The following CNTN3 variants were observed in gnomAD, a reference collection of about 807,000 sequenced individuals.
The protein encoded by CNTN3 is contactin 3.
A neutral mutation model predicts 119.1 loss-of-function variants in CNTN3; 60 were observed. The ratio of observed to expected loss-of-function variants is 0.50; its 90% CI spans 0.41 to 0.62. The LOEUF (loss-of-function observed/expected upper bound fraction) is 0.62, where lower values mean the gene tolerates loss of function less well. Ranked by LOEUF, CNTN3 falls within the 20% of genes least tolerant of loss-of-function variation. The pLI, the probability that CNTN3 is intolerant of heterozygous loss-of-function variation, is 0.00. For synonymous variants in CNTN3, 450 were observed against 438.7 expected (o/e 1.03, Z -0.32); for missense variants, 1,101 against 1,242.4 (o/e 0.89, Z 1.71).
At chr3:74,588,082 A>G (rs1480420210) in intron 1 of CNTN3, among the ~76,000 whole-genome samples, 1 of 152,076 alleles carries the variant, frequency 6.6e-6, no homozygotes, top group Non-Finnish European at 1.5e-5. Context: ...TTCTGTTTAT[A>G]TGCTGGATTA....
At chr3:74,291,603 T>C (rs1412341560) in intron 19 of CNTN3, among the ~76,000 whole-genome samples, 1 of 152,144 alleles carries the variant, frequency 6.6e-6, no homozygotes, top group African/African-American at 2.4e-5. Flanking sequence ...ATGGTCTCGA[T>C]CTCCTGACCT....
At chr3:74,385,253 C>G (rs956886601) in intron 5 of CNTN3, among the ~76,000 whole-genome samples, 2 of 152,146 alleles carry the variant, frequency 1.3e-5, no homozygotes, top group South Asian at 4.1e-4. Flanking sequence ...TGGCCATCAT[C>G]CCCTAGGGTG....
chr3:74,353,681 G>A (rs1202206104), intron 11 of CNTN3, among the ~76,000 whole-genome samples: 4 of 152,058 alleles, frequency 2.6e-5, no homozygotes, highest in Non-Finnish European at 4.4e-5. Flanking sequence ...GCGTGAACCC[G>A]GGAGGCGGAG....
At chr3:74,279,450 T>C (rs920739121) in intron 20 of CNTN3, among the ~76,000 whole-genome samples, 2 of 152,032 alleles carry the variant, frequency 1.3e-5, no homozygotes, top group African/African-American at 4.8e-5. Flanking sequence ...TGATGGAATA[T>C]TACCCAGCTA....
At chr3:74,516,150 T>C (rs1251675928) in intron 2 of CNTN3, among the ~76,000 whole-genome samples, 2 of 152,018 alleles carry the variant, frequency 1.3e-5, no homozygotes, top group African/African-American at 2.4e-5. Context: ...GCTATGTGAC[T>C]TTGAACAAGT....
intron 11 of CNTN3, among the ~76,000 whole-genome samples, chr3:74,356,536 C>T (rs1703938668): frequency 6.6e-6 from 1 of 152,026 alleles, no homozygotes; most frequent in African/African-American, 2.4e-5. Context: ...TGTCCTGTTA[C>T]CTGTCTGTAT....
At chr3:74,322,565 A>G (rs1703021970) in intron 13 of CNTN3, among the ~76,000 whole-genome samples, 1 of 152,198 alleles carries the variant, frequency 6.6e-6, no homozygotes, top group Non-Finnish European at 1.5e-5. Flanking sequence ...TGTTATAGCC[A>G]TTCTGCAAGA....
At chr3:74,418,228 A>G (rs1701556708) in intron 5 of CNTN3, among the ~76,000 whole-genome samples, 1 of 151,574 alleles carries the variant, frequency 6.6e-6, no homozygotes, top group South Asian at 2.1e-4. Context: ...AAGTATTGCT[A>G]TGTTGCCTAG....
At chr3:74,596,761 A>T (rs1273713310) in intron 1 of CNTN3, among the ~76,000 whole-genome samples, 1 of 152,102 alleles carries the variant, frequency 6.6e-6, no homozygotes, top group Non-Finnish European at 1.5e-5. Context: ...CCTCTCCCCT[A>T]CACAAATCAG....
At chr3:74,593,897 C>A (rs1223007903) in intron 1 of CNTN3, among the ~76,000 whole-genome samples, 1 of 151,878 alleles carries the variant, frequency 6.6e-6, no homozygotes, top group Admixed American at 6.6e-5. Flanking sequence ...CACCTCTGGG[C>A]CACCCTAGAA....
In CNTN3 at chr3:74,327,633, T is replaced by A. The variant is rs919046422; in HGVS notation, c.1668+7102A>T. On this transcript the variant is annotated intron_variant, in intron 13 of 22. Coordinates refer to ENST00000263665, the MANE Select transcript of CNTN3 (RefSeq NM_020872.3). ...AAATAGTTTACATAACACAAAATAT[T>A]TATCTATTTCCTTAAAATTTGAGAA... is the stretch of plus-strand genomic sequence containing the variant. 2.0e-5 allele frequency among the ~76,000 whole-genome samples: 3 copies of A among 152,152 alleles called. No homozygotes were observed. In the South Asian group the frequency reaches 6.2e-4, roughly 31 times the overall value.
At chr3:74,431,108 A>G (rs941258707) in intron 4 of CNTN3, among the ~76,000 whole-genome samples, 4 of 152,154 alleles carry the variant, frequency 2.6e-5, no homozygotes, top group African/African-American at 9.6e-5. Flanking sequence ...AAAAGTCTTC[A>G]CTTTGATACA....
At chr3:74,274,956 C>CA (rs1701851469) in intron 20 of CNTN3, among the ~76,000 whole-genome samples, 1 of 151,980 alleles carries the variant, frequency 6.6e-6, no homozygotes, top group Admixed American at 6.6e-5. Context: ...AGCATAAATA[C>CA]AAAAAATTAA....
chr3:74,443,196 A>C (rs933346709), intron 4 of CNTN3, among the ~76,000 whole-genome samples: 1 of 152,126 alleles, frequency 6.6e-6, no homozygotes, highest in South Asian at 2.1e-4. Context: ...CAGTTCATCC[A>C]CCAGAGACAG....
intron 5 of CNTN3, among the ~76,000 whole-genome samples, chr3:74,398,898 CAT>C (rs1705120099): frequency 6.6e-6 from 1 of 152,112 alleles, no homozygotes; most frequent in Admixed American, 6.5e-5. Context: ...TTAATTGACA[CAT>C]AATAATTGTA....
chr3:74,345,025 T>C (rs1703658755), intron 11 of CNTN3, among the ~76,000 whole-genome samples: 1 of 152,178 alleles, frequency 6.6e-6, no homozygotes, highest in Non-Finnish European at 1.5e-5. Flanking sequence ...CCCTTTGTCT[T>C]AGCTGCTTCA....
At chr3:74,379,549 C>T (rs777814415) in intron 5 of CNTN3, among the ~76,000 whole-genome samples, 2 of 152,080 alleles carry the variant, frequency 1.3e-5, no homozygotes, top group Non-Finnish European at 2.9e-5. Context: ...TCTGTAAATG[C>T]AAAAAATGTG....
At chr3:74,319,772 C>G (rs762050832) in intron 13 of CNTN3, among the ~76,000 whole-genome samples, 5 of 149,374 alleles carry the variant, frequency 3.3e-5, no homozygotes, top group Middle Eastern at 6.9e-3. Flanking sequence ...ACTCATCTGA[C>G]AAAGGGCTAA....
At position 74,277,571 on chromosome 3, in the gene CNTN3, T is replaced by C. The variant is rs190330168; in HGVS notation, c.2704+7734A>G. Among the ~76,000 whole-genome samples, 573 of 152,280 alleles carry C rather than the reference T, an allele frequency of 3.8e-3. 6 individuals carry two copies. Among genetic ancestry groups the C allele is most frequent in the African/African-American group, 0.013 (532 of 41,552 alleles). On this transcript the variant is annotated intron_variant, in intron 20 of 22. Transcript: ENST00000263665. ...AGCATTCAACAAAATCCAGCATCCC[T>C]TTATGATTAAAACCCTCAGCAAAAT...
Sources: gnomAD v4.1 joint callset for allele counts (sites outside exome capture counted in the v4.1 genomes callset) on GRCh38, gnomAD v4.1.1 for gene constraint, MANE v1.5 for transcripts, NCBI Gene and HGNC (gene_info 2026-07-23, HGNC 2026-07-21) for gene names.